Variants in DLGAP4 observed in about 807,000 individuals in gnomAD.
DLGAP4 encodes the protein disks large-associated protein 4.
A neutral mutation model predicts 86.9 loss-of-function variants in DLGAP4; 18 were observed. The observed-to-expected ratio is 0.21, with a 90% CI of 0.14 to 0.31. The LOEUF (loss-of-function observed/expected upper bound fraction) is 0.31. DLGAP4 is among the 10% of genes least tolerant of loss of function. DLGAP4 has a pLI of 1.00. For missense variants in DLGAP4, 1,085 were observed against 1,362.6 expected, an observed-to-expected ratio of 0.80 and a Z score of 3.21; for synonymous variants, 548 against 574.3, an observed-to-expected ratio of 0.95 and a Z score of 0.65.
intron 10 of DLGAP4, among the ~76,000 whole-genome samples, chr20:36,520,592 C>G (rs1316697348): frequency 6.6e-6 from 1 of 152,156 alleles, no homozygotes; most frequent in East Asian, 1.9e-4. Context: ...AGTGATACAC[C>G]CACCTCAGCC....
intron 2 of DLGAP4, among the ~76,000 whole-genome samples, chr20:36,413,708 C>T (rs556224513): frequency 3.3e-5 from 5 of 152,138 alleles, no homozygotes; most frequent in East Asian, 3.9e-4. Context: ...CATAAGCCAC[C>T]GCGCCCGGCC....
At chr20:36,397,399 G>A (rs1354287956) in intron 2 of DLGAP4, among the ~76,000 whole-genome samples, 6 of 152,082 alleles carry the variant, frequency 3.9e-5, no homozygotes, top group South Asian at 4.1e-4. Context: ...TCCGTGTCAC[G>A]CCCTGGCCAG....
At chr20:36,516,982 G>A (rs1190374385) in intron 10 of DLGAP4, among the ~76,000 whole-genome samples, 1 of 151,836 alleles carries the variant, frequency 6.6e-6, no homozygotes, top group Non-Finnish European at 1.5e-5. Flanking sequence ...AGCCGGGTGC[G>A]GTGGCTCACG....
intron 7 of DLGAP4, chr20:36,462,194 TC>T (rs2034115999): frequency 9.3e-7 from 1 of 1,074,090 alleles, no homozygotes. Context: ...GGGGTCTTTC[TC>T]CTTGGGACCC....
At chr20:36,358,914 C>G (rs1438626803) in intron 1 of DLGAP4, among the ~76,000 whole-genome samples, 1 of 152,136 alleles carries the variant, frequency 6.6e-6, no homozygotes, top group Non-Finnish European at 1.5e-5. Context: ...GACAAATTGA[C>G]AAAATGTTTT....
chr20:36,427,340 T>C (rs1271307928), intron 2 of DLGAP4, among the ~76,000 whole-genome samples: 1 of 152,004 alleles, frequency 6.6e-6, no homozygotes, highest in Non-Finnish European at 1.5e-5. Flanking sequence ...TAGCCGGATG[T>C]GGTGGCATGC....
chr20:36,400,289 T>C (rs1228297248), intron 2 of DLGAP4, among the ~76,000 whole-genome samples: 1 of 152,230 alleles, frequency 6.6e-6, no homozygotes, highest in Non-Finnish European at 1.5e-5. Flanking sequence ...CCAGCGATAT[T>C]TGAGCAGCTG....
At chr20:36,463,254 C>T (rs1435163916) in intron 7 of DLGAP4, among the ~76,000 whole-genome samples, 2 of 152,188 alleles carry the variant, frequency 1.3e-5, no homozygotes, top group Non-Finnish European at 2.9e-5. Context: ...AGACCCTTGT[C>T]CTCTCTGTCA....
rs143904604 is a variant in DLGAP4, at chr20:36,473,697, G to A, written c.1649-23008G>A. On this transcript the variant is annotated intron_variant, in intron 7 of 12. Transcript: ENST00000339266. The stretch of plus-strand genomic sequence containing the variant: ...ACTCCTGGGCCCAAGCAGTCTGCCC[G>A]CCTTGGCCTCCCAAAGTGCTGGGAT... 2.3e-3 allele frequency among the ~76,000 whole-genome samples: 343 copies of A among 152,248 alleles called. 2 individuals carry two copies. Among genetic ancestry groups the A allele is most frequent in the Non-Finnish European group, 3.9e-3 (264 of 68,008 alleles).
chr20:36,479,154 C>T (rs2035072022), intron 7 of DLGAP4, among the ~76,000 whole-genome samples: 1 of 152,094 alleles, frequency 6.6e-6, no homozygotes, highest in South Asian at 2.1e-4. Flanking sequence ...TTGAGAGGAA[C>T]GTTGAGTGGG....
At chr20:36,396,336 C>CT (rs2031952193) in intron 2 of DLGAP4, among the ~76,000 whole-genome samples, 2 of 658 alleles carry the variant, frequency 3.0e-3, no homozygotes, top group African/African-American at 0.014. Context: ...CACACACACA[C>CT]GCACACACAC....
At chr20:36,523,408 A>G (rs2037501811) in intron 10 of DLGAP4, among the ~76,000 whole-genome samples, 1 of 152,126 alleles carries the variant, frequency 6.6e-6, no homozygotes, top group South Asian at 2.1e-4. Flanking sequence ...GATAGATCCT[A>G]TTTGCTTATA....
At chr20:36,482,044 A>G (rs1053380435) in intron 7 of DLGAP4, among the ~76,000 whole-genome samples, 5 of 152,178 alleles carry the variant, frequency 3.3e-5, no homozygotes, top group Non-Finnish European at 7.3e-5. Context: ...GCACAGAGAC[A>G]GGCAGCATTA....
At chr20:36,381,973 C>A (rs980859028) in intron 2 of DLGAP4, among the ~76,000 whole-genome samples, 6 of 152,190 alleles carry the variant, frequency 3.9e-5, no homozygotes, top group Non-Finnish European at 5.9e-5. Context: ...CATCCTTGCC[C>A]ACCCCAGTGT....
Position 36,341,582 on chromosome 20 carries a change from G to A in DLGAP4, c.-303-25463G>A, listed in dbSNP as rs1176463255. On this transcript the variant is annotated intron_variant, in intron 1 of 12. Transcript: ENST00000339266. Reference sequence around the variant, plus strand: ...CCTTCCTGGTTTAGAGATGAAGAACGACGTGCAGGGGGCCACAGGCCTTGC... The same window carrying A: ...CCTTCCTGGTTTAGAGATGAAGAACAACGTGCAGGGGGCCACAGGCCTTGC... 2.6e-5 allele frequency among the ~76,000 whole-genome samples: 4 copies of A among 152,244 alleles called. No individual in the cohort carries two copies. The East Asian group carries it at 5.8e-4, about 22-fold the overall frequency.
chr20:36,389,950 C>G (rs913108449), intron 2 of DLGAP4, among the ~76,000 whole-genome samples: 1 of 152,166 alleles, frequency 6.6e-6, no homozygotes, highest in Non-Finnish European at 1.5e-5. Flanking sequence ...GGGGCCATGA[C>G]TGGTACTCTG....
intron 6 of DLGAP4, among the ~76,000 whole-genome samples, chr20:36,443,974 C>T (rs1207444016): frequency 6.6e-6 from 1 of 152,164 alleles, no homozygotes; most frequent in East Asian, 1.9e-4. Context: ...TGCCCACGTT[C>T]ACATTGTGAG....
At chr20:36,420,192 T>C (rs906467) in intron 2 of DLGAP4, among the ~76,000 whole-genome samples, 12,331 of 152,238 alleles carry the variant, frequency 0.081, 682 homozygotes, top group East Asian at 0.23. Flanking sequence ...ACAATCTTCA[T>C]GAACACCTAC....
intron 2 of DLGAP4, among the ~76,000 whole-genome samples, chr20:36,430,467 A>G (rs2033097949): frequency 6.6e-6 from 1 of 151,844 alleles, no homozygotes; most frequent in South Asian, 2.1e-4. Flanking sequence ...AAACAATTGG[A>G]CGGTACTGCC....
Sources: allele counts gnomAD v4.1 joint callset (sites outside exome capture counted in the v4.1 genomes callset), GRCh38; gene constraint gnomAD v4.1.1; transcripts MANE v1.5; gene names NCBI Gene and HGNC (gene_info 2026-07-23, HGNC 2026-07-21).